Variants in PCDH15 observed in about 807,000 individuals in gnomAD.
PCDH15 encodes the protein protocadherin-15.
In PCDH15, 129 loss-of-function variants were observed where a neutral mutation model predicts 178.5. The ratio of observed to expected loss-of-function variants is 0.72; its 90% CI spans 0.63 to 0.84. The LOEUF (loss-of-function observed/expected upper bound fraction) is 0.84, where lower values mean the gene tolerates loss of function less well. Ranked by LOEUF, PCDH15 falls within the 40% of genes least tolerant of loss-of-function variation. PCDH15 has a pLI of 0.00. For missense variants in PCDH15, 2,230 were observed against 2,099.9 expected (o/e 1.06, Z -1.21); for synonymous variants, 800 against 732.0 (o/e 1.09, Z -1.50).
intron 2 of PCDH15, among the ~76,000 whole-genome samples, chr10:55,017,869 G>A (rs1214276934): frequency 9.2e-5 from 14 of 152,016 alleles, no homozygotes; most frequent in Non-Finnish European, 2.1e-4. Flanking sequence ...GTGAGATGAT[G>A]GGAAAAGTGT....
intron 32 of PCDH15, among the ~76,000 whole-genome samples, chr10:53,826,096 A>G (rs2132556711): frequency 6.6e-6 from 1 of 151,924 alleles, no homozygotes; most frequent in South Asian, 2.1e-4. Flanking sequence ...ACATACTCAA[A>G]TAGAATCAAA....
intron 2 of PCDH15, among the ~76,000 whole-genome samples, chr10:55,417,152 T>C (rs1838502873): frequency 6.6e-6 from 1 of 151,832 alleles, no homozygotes; most frequent in South Asian, 2.1e-4. Context: ...TCTCCATAAA[T>C]AGCTTTATTG....
intron 2 of PCDH15, among the ~76,000 whole-genome samples, chr10:54,573,925 G>T (rs2090155839): frequency 6.6e-6 from 1 of 152,126 alleles, no homozygotes; most frequent in South Asian, 2.1e-4. Context: ...CTGGATATTA[G>T]CCCTTTGTCA....
At chr10:55,334,221 CATAT>C (rs34468887) in intron 2 of PCDH15, among the ~76,000 whole-genome samples, 2,130 of 62,712 alleles carry the variant, frequency 0.034, 68 homozygotes, top group South Asian at 0.066. Context: ...TAGGGTGCTC[CATAT>C]ATATATATAT....
chr10:54,296,701 T>TC (rs1438388314), intron 8 of PCDH15, among the ~76,000 whole-genome samples: 2 of 152,220 alleles, frequency 1.3e-5, no homozygotes, highest in African/African-American at 4.8e-5. Flanking sequence ...TTAGGACCCC[T>TC]CCTCAGGCTA....
chr10:54,604,448 CTGATAT>C (rs2134135991), intron 2 of PCDH15, among the ~76,000 whole-genome samples: 1 of 152,018 alleles, frequency 6.6e-6, no homozygotes, highest in East Asian at 1.9e-4. Context: ...ATATTTAGAT[CTGATAT>C]TGAGTGCATA....
intron 21 of PCDH15, among the ~76,000 whole-genome samples, chr10:53,982,939 T>A (rs1468936424): frequency 6.6e-6 from 1 of 152,144 alleles, no homozygotes; most frequent in Non-Finnish European, 1.5e-5. Context: ...AGAAATTACT[T>A]ACTCAGGCTC....
At chr10:53,934,640 G>T (rs376895994) in intron 25 of PCDH15, among the ~76,000 whole-genome samples, 12 of 151,720 alleles carry the variant, frequency 7.9e-5, no homozygotes, top group African/African-American at 2.7e-4. Context: ...ATGTTAATGA[G>T]ACGTGTGACA....
intron 2 of PCDH15, among the ~76,000 whole-genome samples, chr10:55,431,347 T>C (rs1430320065): frequency 2.6e-5 from 4 of 152,172 alleles, no homozygotes; most frequent in African/African-American, 9.6e-5. Context: ...ACTGCATAGC[T>C]TGTTTCCTGC....
intron 2 of PCDH15, among the ~76,000 whole-genome samples, chr10:55,450,726 T>C (rs979633954): frequency 5.9e-5 from 9 of 151,980 alleles, no homozygotes; most frequent in Non-Finnish European, 1.0e-4. Flanking sequence ...AGTTGTTTGA[T>C]AAGGTATATG....
intron 1 of PCDH15, among the ~76,000 whole-genome samples, chr10:54,769,963 C>T (rs1485740750): frequency 6.6e-6 from 1 of 152,084 alleles, no homozygotes. Context: ...GTAGTCTAAA[C>T]ACATATGTAT....
chr10:55,278,591 A>C (rs1358275755), intron 1 of PCDH15, among the ~76,000 whole-genome samples: 1 of 152,202 alleles, frequency 6.6e-6, no homozygotes, highest in Non-Finnish European at 1.5e-5. Flanking sequence ...AGTTTTATCC[A>C]TATCAACAGT....
chr10:54,151,874 G>T (rs780571205), intron 14 of PCDH15, among the ~76,000 whole-genome samples: 6 of 152,126 alleles, frequency 3.9e-5, no homozygotes, highest in Admixed American at 6.6e-5. Flanking sequence ...AGGGAAAACA[G>T]CATTGAGGTA....
chr10:55,112,620 C>T (rs1375861997), intron 2 of PCDH15, among the ~76,000 whole-genome samples: 5 of 152,104 alleles, frequency 3.3e-5, no homozygotes, highest in Non-Finnish European at 5.9e-5. Flanking sequence ...CAGTAAGGCG[C>T]AGTTCTTCAG....
intron 1 of PCDH15, among the ~76,000 whole-genome samples, chr10:54,749,905 A>G (rs1303607738): frequency 2.0e-5 from 3 of 152,000 alleles, no homozygotes; most frequent in African/African-American, 7.2e-5. Flanking sequence ...TTAGAATTCT[A>G]TTTTTGCCAC....
At chr10:54,891,709 T>G (rs1046342218) in intron 3 of PCDH15, among the ~76,000 whole-genome samples, 1 of 152,186 alleles carries the variant, frequency 6.6e-6, no homozygotes, top group Non-Finnish European at 1.5e-5. Context: ...AGTCATTAGT[T>G]CTTACGTGTT....
chr10:54,680,637 G>A (rs1035339929), intron 1 of PCDH15, among the ~76,000 whole-genome samples: 3 of 152,046 alleles, frequency 2.0e-5, no homozygotes, highest in East Asian at 1.9e-4. Flanking sequence ...GAATCACGGG[G>A]CATTTTCCCC....
intron 3 of PCDH15, among the ~76,000 whole-genome samples, chr10:54,392,393 G>A (rs1292993150): frequency 7.2e-6 from 1 of 138,102 alleles, no homozygotes; most frequent in East Asian, 2.2e-4. Context: ...TTGAACCCAG[G>A]AGGACTATGT....
intron 1 of PCDH15, among the ~76,000 whole-genome samples, chr10:55,283,631 A>G (rs1592047642): frequency 6.6e-6 from 1 of 151,192 alleles, no homozygotes; most frequent in East Asian, 1.9e-4. Flanking sequence ...CTTTCTATCC[A>G]GTCACTATTA....
Sources: gnomAD v4.1 joint callset for allele counts (sites outside exome capture counted in the v4.1 genomes callset) on GRCh38, gnomAD v4.1.1 for gene constraint, MANE v1.5 for transcripts, NCBI Gene and HGNC (gene_info 2026-07-23, HGNC 2026-07-21) for gene names.